Variants in FILIP1 observed in about 807,000 individuals in gnomAD.
The protein encoded by FILIP1 is filamin-A-interacting protein 1.
In FILIP1, 61 loss-of-function variants were observed where a neutral mutation model predicts 102.1. That is an observed-to-expected ratio of 0.60 (90% CI 0.49 to 0.74). The LOEUF is 0.74. FILIP1 is among the 30% of genes least tolerant of loss of function. The probability of loss-of-function intolerance (pLI) is 0.00; values close to 1 mark genes in which losing one functional copy is unlikely to be tolerated. For missense variants in FILIP1, 1,314 were observed against 1,441.2 expected, an observed-to-expected ratio of 0.91 and a Z score of 1.43; for synonymous variants, 491 against 526.9, an observed-to-expected ratio of 0.93 and a Z score of 0.93.
intron 1 of FILIP1, among the ~76,000 whole-genome samples, chr6:75,471,664 GAAC>G (rs1450505983): frequency 6.6e-6 from 1 of 152,016 alleles, no homozygotes; most frequent in Non-Finnish European, 1.5e-5. Flanking sequence ...GAAAAATTCA[GAAC>G]AACCTAAATA....
chr6:75,360,625 AG>A (rs1775145421), intron 3 of FILIP1: 1 of 152,254 alleles, frequency 6.6e-6, no homozygotes. Flanking sequence ...TTTACGAAGA[AG>A]GGCAGAGAGA....
At chr6:75,461,639 C>A (rs544881700) in intron 1 of FILIP1, among the ~76,000 whole-genome samples, 30 of 152,246 alleles carry the variant, frequency 2.0e-4, no homozygotes, top group African/African-American at 6.3e-4. Flanking sequence ...GGAGAATCAT[C>A]CCTGGATTTG....
chr6:75,353,979 G>C (rs964546094), intron 3 of FILIP1, among the ~76,000 whole-genome samples: 2 of 151,706 alleles, frequency 1.3e-5, no homozygotes, highest in African/African-American at 2.4e-5. Context: ...TCCTTTTTTG[G>C]GGGGGTGGGA....
intron 2 of FILIP1, 197 bp from the exon 3 acceptor site, chr6:75,363,114 G>A: frequency 2.1e-6 from 1 of 480,102 alleles, no homozygotes; most frequent in Non-Finnish European, 3.7e-6. Flanking sequence ...AGGTTGCTAG[G>A]AAGCAGGCAA....
chr6:75,462,695 A>G (rs904137992), intron 1 of FILIP1, among the ~76,000 whole-genome samples: 10 of 152,076 alleles, frequency 6.6e-5, no homozygotes, highest in African/African-American at 2.4e-4. Context: ...TCTAAGCTCT[A>G]GAAAATTATC....
At chr6:75,320,037 T>A (rs1582337001) in intron 4 of FILIP1, 2 of 277,164 alleles carry the variant, frequency 7.2e-6, no homozygotes, top group East Asian at 1.6e-4. Context: ...CGGCTCTCAT[T>A]TGCCCCGGTG....
chr6:75,308,354 G>C lies in FILIP1; in HGVS notation c.*337C>G. Reference sequence around the variant, plus strand: ...TGGCTTGCAATTAGGAAATATGGGAGCCGGACTTGAAGAGCGTGTGATTGA... The same window carrying C: ...TGGCTTGCAATTAGGAAATATGGGACCCGGACTTGAAGAGCGTGTGATTGA... On this transcript the variant is annotated 3_prime_UTR_variant, in exon 6 of 6. Coordinates refer to ENST00000237172, the MANE Select transcript of FILIP1 (RefSeq NM_015687.5). 9.7e-7 allele frequency: 1 copy of C among 1,026,850 alleles called. No homozygotes were observed. The highest frequency in any genetic ancestry group is 1.2e-6 in the Non-Finnish European group (1 of 853,234). The allele number at this position is 1,026,850 out of a possible 1,614,324, so 63.6% of individuals were successfully genotyped here.
chr6:75,439,256 C>T (rs528363122), intron 1 of FILIP1, among the ~76,000 whole-genome samples: 1 of 152,280 alleles, frequency 6.6e-6, no homozygotes, highest in Non-Finnish European at 1.5e-5. Flanking sequence ...GTCCCAGCTA[C>T]TCGGGAGGCT....
At chr6:75,393,295 C>A (rs1776345715) in intron 2 of FILIP1, among the ~76,000 whole-genome samples, 2 of 152,010 alleles carry the variant, frequency 1.3e-5, no homozygotes, top group Non-Finnish European at 2.9e-5. Context: ...TAAAGTTATT[C>A]ATATATATTT....
intron 1 of FILIP1, among the ~76,000 whole-genome samples, chr6:75,478,400 A>G (rs1380131688): frequency 2.0e-5 from 3 of 152,140 alleles, no homozygotes; most frequent in South Asian, 4.1e-4. Flanking sequence ...AGAATTATTT[A>G]CCACCTTCAC....
chr6:75,455,187 T>C (rs1206173641), intron 1 of FILIP1: 1 of 152,122 alleles, frequency 6.6e-6, no homozygotes, highest in African/African-American at 2.4e-5. Flanking sequence ...TGCCACTTAT[T>C]CATCTGAAGA....
chr6:75,364,123 T>A (rs1775254429), intron 2 of FILIP1, among the ~76,000 whole-genome samples: 1 of 152,226 alleles, frequency 6.6e-6, no homozygotes, highest in Admixed American at 6.5e-5. Flanking sequence ...TGAACTGGAA[T>A]TTGCAGATTT....
At position 75,362,802 on chromosome 6, in the gene FILIP1, G is replaced by A; in HGVS notation, c.392C>T (p.Ala131Val). 1.2e-6 allele frequency: 2 copies of A among 1,613,816 alleles called. No individual in the cohort carries two copies. The highest frequency in any genetic ancestry group is 1.7e-6 in the Non-Finnish European group (2 of 1,180,020). ...TATGGATTTCTCCTGGGCAAGAATG[G>A]CATCTCGGTGCAGGACCCGCAGCAC... Reference protein sequence around the residue: ...EKVLRVLHRDAILAQEKSIGE... With the variant: ...EKVLRVLHRDVILAQEKSIGE... The change falls in exon 3 of 6, where the codon GCC becomes GTC. Residue 131 changes from alanine (A) to valine (V), a missense_variant. Physicochemically the swap from Ala to Val is moderately conservative, Grantham distance 64 (BLOSUM62 0). This residue lies in a region of FILIP1 where 494 missense variants were observed against 511.2 expected (regional missense o/e 0.97). Transcript: ENST00000237172.
At chr6:75,405,181 T>C (rs1275105419) in intron 2 of FILIP1, among the ~76,000 whole-genome samples, 1 of 152,212 alleles carries the variant, frequency 6.6e-6, no homozygotes. Flanking sequence ...TATTTCCCCA[T>C]AGGACTTGGC....
At chr6:75,381,929 A>G (rs1775917271) in intron 2 of FILIP1, among the ~76,000 whole-genome samples, 2 of 152,244 alleles carry the variant, frequency 1.3e-5, no homozygotes, top group African/African-American at 4.8e-5. Flanking sequence ...ATCTAACTCC[A>G]AAATATTTGT....
At chr6:75,312,109 C>G (rs1424640962) in intron 5 of FILIP1, among the ~76,000 whole-genome samples, 3 of 152,156 alleles carry the variant, frequency 2.0e-5, no homozygotes, top group African/African-American at 7.2e-5. Flanking sequence ...CTTCTGATTA[C>G]TATATGCTAC....
chr6:75,487,009 C>T (rs914277545), intron 1 of FILIP1, among the ~76,000 whole-genome samples: 2 of 151,988 alleles, frequency 1.3e-5, no homozygotes, highest in African/African-American at 4.8e-5. Context: ...TCCTTAAAGA[C>T]CAGAACGAAC....
intron 2 of FILIP1, among the ~76,000 whole-genome samples, chr6:75,380,322 T>TA (rs201736491): frequency 1.0e-4 from 14 of 136,402 alleles, no homozygotes; most frequent in Non-Finnish European, 5.2e-5. Flanking sequence ...AAAAGAAAAA[T>TA]GCCTGAAAGG....
intron 1 of FILIP1, among the ~76,000 whole-genome samples, chr6:75,443,706 C>T (rs1778350878): frequency 6.6e-6 from 1 of 152,196 alleles, no homozygotes; most frequent in East Asian, 1.9e-4. Flanking sequence ...GGTCTACATT[C>T]CCATGCAACA....
Sources: allele counts gnomAD v4.1 joint callset (sites outside exome capture counted in the v4.1 genomes callset), GRCh38; gene constraint gnomAD v4.1.1; regional missense constraint gnomAD v4.1.1; transcripts MANE v1.5; gene names NCBI Gene and HGNC (gene_info 2026-07-23, HGNC 2026-07-21).